Variants in HECW2 observed in about 807,000 individuals in gnomAD.
The protein encoded by HECW2 is E3 ubiquitin-protein ligase HECW2.
Under a neutral mutation model 175.2 loss-of-function variants are expected in HECW2, and 61 were observed. That is an observed-to-expected ratio of 0.35 (90% CI 0.28 to 0.43). The LOEUF is 0.43. HECW2 is among the 20% of genes least tolerant of loss of function. The probability of loss-of-function intolerance (pLI) is 1.00; values close to 1 mark genes in which losing one functional copy is unlikely to be tolerated. For synonymous variants in HECW2, 671 were observed against 731.0 expected (o/e 0.92, Z 1.32); for missense variants, 1,524 against 2,000.5 (o/e 0.76, Z 4.54).
intron 1 of HECW2, among the ~76,000 whole-genome samples, chr2:196,458,116 A>G (rs1000702941): frequency 6.6e-6 from 1 of 151,432 alleles, no homozygotes; most frequent in Non-Finnish European, 1.5e-5. Flanking sequence ...CAAAAAATTA[A>G]AAAATTAGCT....
chr2:196,242,033 C>T, intron 20 of HECW2, 51 bp downstream of exon 20: 2 of 1,571,378 alleles, frequency 1.3e-6, no homozygotes, highest in Non-Finnish European at 8.7e-7. Context: ...CCAACTGTGC[C>T]CTCTCCTTTC....
intron 1 of HECW2, among the ~76,000 whole-genome samples, chr2:196,503,971 T>A (rs1477149730): frequency 6.6e-6 from 1 of 152,018 alleles, no homozygotes; most frequent in Non-Finnish European, 1.5e-5. Context: ...TGCTTGTAAT[T>A]TGGGAGCATC....
intron 2 of HECW2, among the ~76,000 whole-genome samples, chr2:196,396,974 G>C (rs548463691): frequency 2.0e-5 from 3 of 151,970 alleles, no homozygotes; most frequent in Admixed American, 1.3e-4. Flanking sequence ...ATAGCCAGGC[G>C]TGGTGGCGGG....
At chr2:196,472,276 G>C (rs968782040) in intron 1 of HECW2, among the ~76,000 whole-genome samples, 4 of 151,872 alleles carry the variant, frequency 2.6e-5, no homozygotes, top group Non-Finnish European at 5.9e-5. Context: ...TTGAGGTCAG[G>C]AGTTCAATAC....
chr2:196,390,317 A>G (rs1237392813), intron 2 of HECW2, among the ~76,000 whole-genome samples: 1 of 152,180 alleles, frequency 6.6e-6, no homozygotes, highest in East Asian at 1.9e-4. Context: ...TAAAGATCGG[A>G]GAACCTTCCA....
intron 1 of HECW2, among the ~76,000 whole-genome samples, chr2:196,453,348 TTAAGCATGTGAAC>T (rs1263228512): frequency 1.3e-5 from 2 of 152,206 alleles, no homozygotes; most frequent in Non-Finnish European, 2.9e-5. Context: ...TACATTAGTT[TTAAGCATGTGAAC>T]TAAAAGTTTG....
chr2:196,470,516 G>T (rs1350685828), intron 1 of HECW2, among the ~76,000 whole-genome samples: 3 of 152,052 alleles, frequency 2.0e-5, no homozygotes, highest in Non-Finnish European at 4.4e-5. Flanking sequence ...TATTGAAGTT[G>T]TGTTTTGGAG....
At chr2:196,589,518 C>T (rs893882647) in intron 1 of HECW2, among the ~76,000 whole-genome samples, 4 of 152,152 alleles carry the variant, frequency 2.6e-5, no homozygotes, top group East Asian at 1.9e-4. Context: ...TCCCTCTCTG[C>T]GACCCCTCTG....
chr2:196,293,799 G>A (rs982793935), intron 13 of HECW2, among the ~76,000 whole-genome samples: 1 of 152,188 alleles, frequency 6.6e-6, no homozygotes. Context: ...GTGAGTGCCA[G>A]ATGACACAAC....
intron 1 of HECW2, among the ~76,000 whole-genome samples, chr2:196,462,015 T>C (rs1010822435): frequency 9.9e-5 from 15 of 152,186 alleles, no homozygotes; most frequent in African/African-American, 3.4e-4. Flanking sequence ...GTGAGCATCC[T>C]GTCAGACCTT....
At chr2:196,427,369 T>C (rs185301876) in intron 2 of HECW2, among the ~76,000 whole-genome samples, 115 of 152,290 alleles carry the variant, frequency 7.6e-4, no homozygotes, top group African/African-American at 2.1e-3. Flanking sequence ...GTACCTGAAG[T>C]TGCCTACAAA....
At chr2:196,352,952 A>G (rs949878574) in intron 2 of HECW2, among the ~76,000 whole-genome samples, 10 of 152,250 alleles carry the variant, frequency 6.6e-5, no homozygotes, top group Admixed American at 2.0e-4. Context: ...ACACTGGCAT[A>G]TAGAAACATG....
intron 1 of HECW2, among the ~76,000 whole-genome samples, chr2:196,516,612 T>C (rs1371060273): frequency 2.0e-5 from 3 of 152,216 alleles, no homozygotes; most frequent in African/African-American, 7.2e-5. Context: ...GTATCGGGAA[T>C]TAAAATTTAA....
chr2:196,409,773 C>T (rs1695059575), intron 2 of HECW2, among the ~76,000 whole-genome samples: 1 of 152,122 alleles, frequency 6.6e-6, no homozygotes, highest in Non-Finnish European at 1.5e-5. Context: ...GGTATGAGGG[C>T]AGGAATGAAA....
chr2:196,424,135 G>A (rs1187787553), intron 2 of HECW2, among the ~76,000 whole-genome samples: 4 of 151,944 alleles, frequency 2.6e-5, no homozygotes, highest in Non-Finnish European at 5.9e-5. Flanking sequence ...CTGTCGTGAT[G>A]ATCTCTGATC....
At position 196,325,116 on chromosome 2, in the gene HECW2, A is replaced by G; in HGVS notation, c.605T>C (p.Phe202Ser). 1 of 1,607,350 alleles carries G rather than the reference A, an allele frequency of 6.2e-7. No homozygotes were observed. The change falls in exon 6 of 29, where the codon TTC becomes TCC. Residue 202 changes from phenylalanine to serine, a missense_variant. By Grantham distance (155) the Phe-to-Ser change is radical (BLOSUM62 -2). Coordinates refer to ENST00000644978, the MANE Select transcript of HECW2 (RefSeq NM_001348768.2). ...LRAVGLKKGMFFNPDPYLKMS... is the reference protein window; with the variant it reads ...LRAVGLKKGMSFNPDPYLKMS... ...CTTAAGATAAGGGTCAGGATTGAAG[A>G]ACATCCCTTTCTTTAGCCCAACTGC...
chr2:196,534,916 T>A (rs1486378189), intron 1 of HECW2, among the ~76,000 whole-genome samples: 1 of 152,096 alleles, frequency 6.6e-6, no homozygotes, highest in Non-Finnish European at 1.5e-5. Flanking sequence ...TCTCCACATC[T>A]TAATGGAGAA....
intron 28 of HECW2, among the ~76,000 whole-genome samples, chr2:196,215,082 A>G (rs1258344269): frequency 6.6e-6 from 1 of 152,204 alleles, no homozygotes; most frequent in East Asian, 1.9e-4. Context: ...TATTACTACT[A>G]ATTGGATAAA....
chr2:196,235,648 C>CTTT (rs757874073), intron 21 of HECW2, among the ~76,000 whole-genome samples: 1,003 of 78,910 alleles, frequency 0.013, 21 homozygotes, highest in East Asian at 0.024. Context: ...ATGCATTATT[C>CTTT]TTTTTTTTTT....
Sources: allele counts gnomAD v4.1 joint callset (sites outside exome capture counted in the v4.1 genomes callset), GRCh38; gene constraint gnomAD v4.1.1; transcripts MANE v1.5; gene names NCBI Gene and HGNC (gene_info 2026-07-23, HGNC 2026-07-21).